The following TAF1 variants were observed in gnomAD, a reference collection of about 807,000 sequenced individuals.
TAF1 encodes the protein transcription initiation factor TFIID subunit 1.
A neutral mutation model predicts 138.5 loss-of-function variants in TAF1; 2 were observed. The observed-to-expected ratio is 0.01, with a 90% CI of 0.01 to 0.05. The LOEUF is 0.05. TAF1 is among the 10% of genes least tolerant of loss of function. The pLI is 1.00. For synonymous variants in TAF1, 437 were observed against 503.2 expected (o/e 0.87, Z 1.76); for missense variants, 709 against 1,478.0 (o/e 0.48, Z 8.53).
chrX:71,402,789 C>CT (rs1024866998), intron 25 of TAF1, among the ~76,000 whole-genome samples: 4 of 110,930 alleles, frequency 3.6e-5, no homozygotes, highest in Non-Finnish European at 7.5e-5. Flanking sequence ...ATACCTAAAA[C>CT]TTTTTTTTCC....
intron 13 of TAF1, among the ~76,000 whole-genome samples, chrX:71,506,382 T>TAA (rs777197499): frequency 2.5e-5 from 2 of 78,528 alleles, no homozygotes; most frequent in Admixed American, 1.5e-4. Flanking sequence ...AGACCTCATC[T>TAA]AAAAAAAAAA....
At chrX:71,369,173 T>C in intron 3 of TAF1, among the ~76,000 whole-genome samples, 1 of 110,930 alleles carries the variant, frequency 9.0e-6, no homozygotes. Context: ...TTTTTTGTAT[T>C]TTTAGTAGAG....
chrX:71,427,872 G>A (rs1391551152), intron 32 of TAF1, among the ~76,000 whole-genome samples: 1 of 104,067 alleles, frequency 9.6e-6, no homozygotes, highest in Non-Finnish European at 2.0e-5. Flanking sequence ...CTGGGAGGTA[G>A]AGGTTGCGGT....
At chrX:71,389,440 C>T (rs2034431705) in intron 17 of TAF1, 145 bp from the exon 18 acceptor site, 4 of 465,967 alleles carry the variant, frequency 8.6e-6, no homozygotes, top group East Asian at 3.8e-5. Flanking sequence ...AAGGATGTGC[C>T]GTGGTGTTAG....
intron 32 of TAF1, among the ~76,000 whole-genome samples, chrX:71,446,514 C>T (rs2037703945): frequency 9.0e-6 from 1 of 111,724 alleles, no homozygotes; most frequent in Non-Finnish European, 1.9e-5. Flanking sequence ...TTCTTCCCTT[C>T]CTACCATCCC....
chrX:71,499,749 A>G (rs969648748), intron 13 of TAF1, among the ~76,000 whole-genome samples: 2 of 111,390 alleles, frequency 1.8e-5, no homozygotes, highest in African/African-American at 6.5e-5. Flanking sequence ...CTGTCATTCT[A>G]TCATTCACTT....
At chrX:71,441,728 TA>T in intron 32 of TAF1, 1 of 274,892 alleles carries the variant, frequency 3.6e-6, no homozygotes, top group South Asian at 3.4e-5. Context: ...GCAGGTTTGT[TA>T]AATATATATA....
Position 71,383,095 on chromosome X carries a change from T to C in TAF1, c.1878T>C (p.Phe626=), listed in dbSNP as rs1183038198. Residue 626 remains phenylalanine (F), a synonymous_variant, in exon 12 of 38, where the codon TTT becomes TTC. Coordinates refer to ENST00000423759, the MANE Select transcript of TAF1 (RefSeq NM_004606.5). ...FHRPPLKKYS[F]GALSQPGPHS... ...GCCCACCTCTGAAAAAGTACTCATTTGGTGCACTTTCTCAGCCAGGTCCCC... is the reference window on the plus strand; with the variant it reads ...GCCCACCTCTGAAAAAGTACTCATTCGGTGCACTTTCTCAGCCAGGTCCCC... 1.7e-6 allele frequency: 2 copies of C among 1,211,663 alleles called. No individual in the cohort carries two copies. Among genetic ancestry groups the C allele is most frequent in the East Asian group, 5.9e-5 (2 of 33,851 alleles).
intron 21 of TAF1, among the ~76,000 whole-genome samples, chrX:71,393,826 G>T (rs1289111830): frequency 8.9e-6 from 1 of 111,926 alleles, no homozygotes; most frequent in Non-Finnish European, 1.9e-5. Context: ...TATTAAAAAT[G>T]ACCAGTGTGC....
chrX:71,496,828 C>T (rs150464798), intron 13 of TAF1, among the ~76,000 whole-genome samples: 2 of 111,243 alleles, frequency 1.8e-5, no homozygotes, highest in Non-Finnish European at 3.8e-5. Flanking sequence ...TCTCTCCCCC[C>T]CAACCCTTTG....
chrX:71,439,624 C>T (rs1365261275), intron 32 of TAF1, among the ~76,000 whole-genome samples: 3 of 112,076 alleles, frequency 2.7e-5, no homozygotes, highest in African/African-American at 9.7e-5. Context: ...TTAGACAAAA[C>T]GTGTTTACTT....
At chrX:71,408,952 T>G (rs1332960670) in intron 28 of TAF1, among the ~76,000 whole-genome samples, 1 of 106,486 alleles carries the variant, frequency 9.4e-6, no homozygotes, top group East Asian at 3.0e-4. Context: ...AGGCGGAGCT[T>G]GTAGTGAGCC....
At chrX:71,439,243 C>T (rs754094415) in intron 32 of TAF1, among the ~76,000 whole-genome samples, 1 of 111,447 alleles carries the variant, frequency 9.0e-6, no homozygotes, top group Non-Finnish European at 1.9e-5. Context: ...TTACAATTTC[C>T]AATCTGGGTT....
intron 32 of TAF1, among the ~76,000 whole-genome samples, chrX:71,427,079 T>C (rs770101110): frequency 2.3e-4 from 26 of 111,728 alleles, no homozygotes; most frequent in African/African-American, 8.1e-4. Flanking sequence ...AGGTGAAGGA[T>C]TGGACAGTCA....
intron 13 of TAF1, among the ~76,000 whole-genome samples, chrX:71,506,141 A>G (rs7059364): frequency 0.051 from 5,521 of 109,012 alleles, 345 homozygotes; most frequent in African/African-American, 0.18. Context: ...TGGAGGTTGC[A>G]GTGAGCCGAG....
At chrX:71,429,398 A>G (rs116777778) in intron 32 of TAF1, among the ~76,000 whole-genome samples, 1,758 of 111,732 alleles carry the variant, frequency 0.016, 30 homozygotes, top group African/African-American at 0.055. Context: ...GAAATAGTCA[A>G]GTGGAAAATG....
Position 71,407,976 on chromosome X carries a change from A to G in TAF1, c.4209A>G (p.Thr1403=). The change falls in exon 28 of 38, where the codon ACA becomes ACG. Residue 1403 remains threonine (T), a splice_region_variant and synonymous_variant. Transcript: ENST00000423759. ...IINDMRDLPN[T]YPFHTPVNAK... ...ATGGTTCTGGCCCTTGTTTGCAGACATACCCTTTCCACACTCCAGTCAATG... is the reference window on the plus strand; with the variant it reads ...ATGGTTCTGGCCCTTGTTTGCAGACGTACCCTTTCCACACTCCAGTCAATG... 2 of 1,209,540 alleles carry G rather than the reference A, an allele frequency of 1.7e-6. No individual in the cohort carries two copies. The highest frequency in any genetic ancestry group is 2.2e-6 in the Non-Finnish European group (2 of 894,699).
chrX:71,528,080 GT>G (rs1225711710), intron 13 of TAF1: 1 of 196,569 alleles, frequency 5.1e-6, no homozygotes, highest in Non-Finnish European at 9.7e-6. Flanking sequence ...TTCACATCTG[GT>G]TGCTCATAAA....
chrX:71,497,310 A>T (rs1299809857), intron 13 of TAF1, among the ~76,000 whole-genome samples: 1 of 111,765 alleles, frequency 8.9e-6, no homozygotes, highest in Non-Finnish European at 1.9e-5. Flanking sequence ...TCTGGGAGAA[A>T]AGTGGCAGGG....
Sources: allele counts gnomAD v4.1 joint callset (sites outside exome capture counted in the v4.1 genomes callset), GRCh38; gene constraint gnomAD v4.1.1; transcripts MANE v1.5; gene names NCBI Gene and HGNC (gene_info 2026-07-23, HGNC 2026-07-21).